The following NYAP2 variants were observed in gnomAD, a reference collection of about 807,000 sequenced individuals.
NYAP2 encodes neuronal tyrosine-phosphorylated phosphoinositide-3-kinase adaptor 2.
NYAP2 carries 23 observed loss-of-function variants against 50.4 expected under a neutral mutation model. That is an observed-to-expected ratio of 0.46 (90% CI 0.33 to 0.65). The LOEUF is 0.65. Among genes scored for constraint, NYAP2 ranks in the 30% least tolerant of loss-of-function variants. NYAP2 has a pLI of 0.02. For missense variants in NYAP2, 885 were observed against 861.0 expected (o/e 1.03, Z -0.35); for synonymous variants, 394 against 365.2 (o/e 1.08, Z -0.90).
chr2:225,572,536 G>A lies in NYAP2; in HGVS notation c.524-9405G>A, dbSNP rs1190418851. Among the ~76,000 whole-genome samples, 7 of 152,138 alleles carry A rather than the reference G, an allele frequency of 4.6e-5. No individual in the cohort carries two copies. The South Asian group carries it at 6.2e-4, about 14-fold the overall frequency. Reference sequence around the variant, plus strand: ...AACTCATTATCATGAGAACTGCATGGAGGAAACTACCCCCATGATTCAATT... The same window carrying A: ...AACTCATTATCATGAGAACTGCATGAAGGAAACTACCCCCATGATTCAATT... On this transcript the variant is annotated intron_variant, in intron 4 of 6. Coordinates refer to ENST00000636099, the Ensembl canonical transcript of NYAP2.
At chr2:225,504,427 G>T (rs1326211964) in intron 3 of NYAP2, among the ~76,000 whole-genome samples, 1 of 152,124 alleles carries the variant, frequency 6.6e-6, no homozygotes, top group Non-Finnish European at 1.5e-5. Flanking sequence ...TGAATTTGGG[G>T]TGGGGGAGCA....
At chr2:225,608,764 T>C (rs1692831776) in intron 5 of NYAP2, among the ~76,000 whole-genome samples, 1 of 152,182 alleles carries the variant, frequency 6.6e-6, no homozygotes, top group African/African-American at 2.4e-5. Flanking sequence ...ATCTGTGATT[T>C]GGGTCACTTT....
At chr2:225,645,180 C>T (rs539247921) in intron 6 of NYAP2, among the ~76,000 whole-genome samples, 44 of 151,488 alleles carry the variant, frequency 2.9e-4, no homozygotes, top group Admixed American at 2.6e-3. Context: ...ATCACTTGAA[C>T]CCGGAAGGTG....
chr2:225,702,664 T>C, the NYAP2 span: 1 of 151,724 alleles, frequency 6.6e-6, no homozygotes, highest in Non-Finnish European at 1.5e-5. Context: ...TTTTGCCATG[T>C]TGGACTTGAA....
At chr2:225,556,677 G>A (rs1210056719) in intron 4 of NYAP2, among the ~76,000 whole-genome samples, 4 of 152,180 alleles carry the variant, frequency 2.6e-5, no homozygotes, top group Non-Finnish European at 4.4e-5. Context: ...GGGTGCAATA[G>A]TTTGTACAGT....
At chr2:225,685,607 C>G in the NYAP2 span, among the ~76,000 whole-genome samples, 1 of 152,098 alleles carries the variant, frequency 6.6e-6, no homozygotes, top group African/African-American at 2.4e-5. Context: ...TAAGTTCTGT[C>G]TTCTTTATTG....
chr2:225,476,327 G>A (rs112073059), intron 3 of NYAP2, among the ~76,000 whole-genome samples: 3 of 151,772 alleles, frequency 2.0e-5, no homozygotes, highest in African/African-American at 4.8e-5. Context: ...GCAGGAGAAC[G>A]GCGTGAACCC....
chr2:225,589,927 C>G (rs1692467261), intron 5 of NYAP2, among the ~76,000 whole-genome samples: 1 of 152,064 alleles, frequency 6.6e-6, no homozygotes, highest in Non-Finnish European at 1.5e-5. Flanking sequence ...GGCATGTTGA[C>G]TTTGGGCAGG....
chr2:225,478,546 A>C (rs984214766), intron 3 of NYAP2, among the ~76,000 whole-genome samples: 1 of 152,230 alleles, frequency 6.6e-6, no homozygotes, highest in Non-Finnish European at 1.5e-5. Flanking sequence ...ACCATAAGAC[A>C]GGTTTGCCAG....
At chr2:225,571,939 AC>A (rs1454449113) in intron 4 of NYAP2, among the ~76,000 whole-genome samples, 3 of 152,240 alleles carry the variant, frequency 2.0e-5, no homozygotes, top group Non-Finnish European at 4.4e-5. Context: ...TCCACCACAT[AC>A]ACTAAATCAT....
At chr2:225,581,122 T>C (rs929974284) in intron 4 of NYAP2, among the ~76,000 whole-genome samples, 1 of 152,232 alleles carries the variant, frequency 6.6e-6, no homozygotes, top group Non-Finnish European at 1.5e-5. Context: ...AATACGTTGG[T>C]ACACATATCT....
chr2:225,555,400 G>GT (rs959016372), intron 4 of NYAP2, among the ~76,000 whole-genome samples: 5 of 151,718 alleles, frequency 3.3e-5, no homozygotes, highest in South Asian at 4.2e-4. Context: ...TCCTAAGACT[G>GT]TTTTTTTTAG....
intron 3 of NYAP2, among the ~76,000 whole-genome samples, chr2:225,475,744 T>G (rs1186916170): frequency 1.3e-5 from 2 of 152,210 alleles, no homozygotes; most frequent in African/African-American, 4.8e-5. Context: ...TCTCCTAGTC[T>G]GGTTTTGTGG....
intron 4 of NYAP2, among the ~76,000 whole-genome samples, chr2:225,540,719 G>C (rs1691450962): frequency 6.6e-6 from 1 of 152,106 alleles, no homozygotes; most frequent in African/African-American, 2.4e-5. Context: ...CCAAATCTTG[G>C]CTGTTGTGAG....
At chr2:225,405,036 T>C (rs191314875) in intron 2 of NYAP2, among the ~76,000 whole-genome samples, 2 of 152,146 alleles carry the variant, frequency 1.3e-5, no homozygotes, top group East Asian at 3.9e-4. Flanking sequence ...AGAGAACACA[T>C]CTGTCTTCTA....
At chr2:225,537,432 C>T (rs1691371160) in intron 4 of NYAP2, among the ~76,000 whole-genome samples, 1 of 152,062 alleles carries the variant, frequency 6.6e-6, no homozygotes, top group Admixed American at 6.5e-5. Context: ...CTGGGGAGGC[C>T]TCACACCATG....
chr2:225,616,475 G>A (rs758603591), intron 5 of NYAP2, among the ~76,000 whole-genome samples: 15 of 152,106 alleles, frequency 9.9e-5, no homozygotes, highest in Non-Finnish European at 1.8e-4. Context: ...CTGTCTGGCT[G>A]GCTCTTATCA....
chr2:225,491,946 G>A (rs1466318178), intron 3 of NYAP2, among the ~76,000 whole-genome samples: 1 of 152,168 alleles, frequency 6.6e-6, no homozygotes, highest in Non-Finnish European at 1.5e-5. Flanking sequence ...TACCCTATCT[G>A]GCTAAGAAAC....
intron 3 of NYAP2, among the ~76,000 whole-genome samples, chr2:225,432,144 A>ATTTT (rs751205603): frequency 2.0e-4 from 24 of 119,522 alleles, no homozygotes; most frequent in African/African-American, 5.9e-4. Flanking sequence ...CGCCCGCCTA[A>ATTTT]TTTTTTTTTT....
Sources: gnomAD v4.1 joint callset for allele counts (sites outside exome capture counted in the v4.1 genomes callset) on GRCh38, gnomAD v4.1.1 for gene constraint, MANE v1.5 for transcripts, NCBI Gene and HGNC (gene_info 2026-07-23, HGNC 2026-07-21) for gene names.